VWA8: variants seen among roughly 807,000 people sequenced by gnomAD.
VWA8 encodes von Willebrand factor A domain containing 8.
VWA8 carries 221 observed loss-of-function variants against 241.5 expected under a neutral mutation model. The ratio of observed to expected loss-of-function variants is 0.91; its 90% CI spans 0.82 to 1.02. The LOEUF is 1.02. Ranked by LOEUF, VWA8 falls within the 50% of genes least tolerant of loss-of-function variation. The pLI is 0.00. For synonymous variants in VWA8, 852 were observed against 827.1 expected (o/e 1.03, Z -0.52); for missense variants, 2,322 against 2,328.7 (o/e 1.00, Z 0.06).
chr13:41,814,179 T>C lies in VWA8; in HGVS notation c.1947+2519A>G, dbSNP rs952651819. Among the ~76,000 whole-genome samples, 5 of 152,196 alleles carry C rather than the reference T, an allele frequency of 3.3e-5. No individual in the cohort carries two copies. The East Asian group carries it at 7.7e-4, about 23-fold the overall frequency. The stretch of plus-strand genomic sequence containing the variant: ...TCACCAAAGATTTAAGTGTCTATTA[T>C]GTGCCAGGCCGCAGGCTGGGAAATG... On this transcript the variant is annotated intron_variant, in intron 16 of 44. Coordinates refer to ENST00000379310, the MANE Select transcript of VWA8 (RefSeq NM_015058.2).
chr13:41,807,139 C>T (rs552176844), intron 17 of VWA8, among the ~76,000 whole-genome samples: 13 of 152,044 alleles, frequency 8.6e-5, no homozygotes, highest in Non-Finnish European at 1.3e-4. Flanking sequence ...GATTGAACTA[C>T]GAAGAAATAG....
intron 12 of VWA8, among the ~76,000 whole-genome samples, chr13:41,843,214 T>C (rs1050013504): frequency 6.6e-6 from 1 of 152,114 alleles, no homozygotes; most frequent in Admixed American, 6.6e-5. Flanking sequence ...AGAGATGCAA[T>C]AGACTAAAAC....
At chr13:41,941,553 GA>G (rs1428806085) in intron 2 of VWA8, among the ~76,000 whole-genome samples, 27 of 152,300 alleles carry the variant, frequency 1.8e-4, no homozygotes, top group African/African-American at 2.6e-4. Flanking sequence ...AAATTTAGAT[GA>G]AATGCATACA....
intron 36 of VWA8, among the ~76,000 whole-genome samples, chr13:41,674,057 T>A (rs900624059): frequency 2.6e-5 from 4 of 152,248 alleles, no homozygotes; most frequent in African/African-American, 9.6e-5. Flanking sequence ...TTTCCTCAAA[T>A]GATTAAAAGC....
chr13:41,625,016 T>C (rs1050240430), intron 37 of VWA8, among the ~76,000 whole-genome samples: 8 of 152,184 alleles, frequency 5.3e-5, no homozygotes, highest in African/African-American at 1.9e-4. Flanking sequence ...AACATTTCTA[T>C]ACATCAATAA....
chr13:41,587,978 G>A (rs1451910352), intron 41 of VWA8, among the ~76,000 whole-genome samples: 1 of 152,198 alleles, frequency 6.6e-6, no homozygotes. Flanking sequence ...AAAATAATAT[G>A]ATGACTTAAA....
At chr13:41,759,672 AGTCCTTGTCTGCT>A (rs2045725806) in intron 21 of VWA8, among the ~76,000 whole-genome samples, 1 of 151,682 alleles carries the variant, frequency 6.6e-6, no homozygotes. Flanking sequence ...ACTGTTTTAT[AGTCCTTGTCTGCT>A]AATTCCATTA....
At chr13:41,570,428 T>C (rs1479390789) in intron 44 of VWA8, 40 bp downstream of exon 44, 2 of 1,566,312 alleles carry the variant, frequency 1.3e-6, no homozygotes, top group Non-Finnish European at 1.8e-6. Context: ...ACTCAGTATC[T>C]CTGTACCTGC....
intron 29 of VWA8, 141 bp downstream of exon 29, chr13:41,698,930 A>G: frequency 9.2e-7 from 1 of 1,086,138 alleles, no homozygotes. Context: ...TGTAGTACTG[A>G]TAAAATGCAA....
intron 12 of VWA8, among the ~76,000 whole-genome samples, chr13:41,857,102 G>A (rs1872785380): frequency 6.6e-6 from 1 of 151,938 alleles, no homozygotes; most frequent in Admixed American, 6.6e-5. Context: ...TTTTGAAGCT[G>A]GAAAATACGG....
At chr13:41,632,549 C>T (rs1191689188) in intron 37 of VWA8, among the ~76,000 whole-genome samples, 1 of 152,276 alleles carries the variant, frequency 6.6e-6, no homozygotes, top group African/African-American at 2.4e-5. Context: ...ATGCTATAGT[C>T]CCTCTGGAGA....
intron 26 of VWA8, 36 bp from the exon 27 acceptor site, chr13:41,703,447 T>C (rs2045263195): frequency 1.9e-6 from 3 of 1,588,234 alleles, no homozygotes; most frequent in African/African-American, 1.3e-5. Context: ...ATATTTCTTA[T>C]TGTACCCAAG....
At position 41,859,213 on chromosome 13, in the gene VWA8, A is replaced by C. The variant is rs114499017; in HGVS notation, c.1425+6523T>G. Among the ~76,000 whole-genome samples the C allele has an allele frequency of 9.2e-3, 1,396 of 152,326 alleles. 32 individuals are homozygous for C. Among genetic ancestry groups the C allele is most frequent in the African/African-American group, 0.03 (1,254 of 41,574 alleles). On this transcript the variant is annotated intron_variant, in intron 12 of 44. Transcript: ENST00000379310. Reference sequence around the variant, plus strand: ...AGAAAAGCACGAAGTCAAGGCAAAAATAAGAGGCACAGCAATGAATCCAAG... The same window carrying C: ...AGAAAAGCACGAAGTCAAGGCAAAACTAAGAGGCACAGCAATGAATCCAAG...
intron 2 of VWA8, among the ~76,000 whole-genome samples, chr13:41,944,753 A>G (rs535797742): frequency 1.3e-4 from 20 of 152,298 alleles, no homozygotes; most frequent in East Asian, 1.2e-3. Context: ...GAAATGCTCC[A>G]TTTTTAGAAT....
intron 21 of VWA8, among the ~76,000 whole-genome samples, chr13:41,744,920 C>A (rs1252040910): frequency 1.3e-5 from 2 of 152,142 alleles, no homozygotes; most frequent in African/African-American, 4.8e-5. Context: ...ATACTGCAAG[C>A]TCCACCTCCT....
chr13:41,571,891 C>T (rs185402409), intron 43 of VWA8, among the ~76,000 whole-genome samples: 1,781 of 151,932 alleles, frequency 0.012, 19 homozygotes, highest in Admixed American at 0.024. Context: ...GCCATCCTGT[C>T]TAGGAAGTGA....
chr13:41,581,010 A>T lies in VWA8; in HGVS notation c.5272-5172T>A, dbSNP rs569338023. Among the ~76,000 whole-genome samples the T allele has an allele frequency of 5.7e-4, 73 of 127,358 alleles. 9 individuals are homozygous for T. Among genetic ancestry groups the T allele is most frequent in the East Asian group, 2.3e-3 (10 of 4,400 alleles). The allele number at this position is 127,358 out of a possible 152,430, so 83.6% of individuals were successfully genotyped here. A position where few individuals can be genotyped will look rare whatever the true frequency, so the allele number is the denominator to read the frequency against. ...ATTTTATTTTATTTTATTTTATTTT[A>T]TTTTTTTTTGAGACGGAGTCTCGCT... On this transcript the variant is annotated intron_variant, in intron 42 of 44. Transcript: ENST00000379310.
intron 12 of VWA8, among the ~76,000 whole-genome samples, chr13:41,853,972 C>A: frequency 6.6e-6 from 1 of 152,250 alleles, no homozygotes; most frequent in South Asian, 2.1e-4. Flanking sequence ...CCAAGATATA[C>A]ATGTTTTATA....
intron 13 of VWA8, among the ~76,000 whole-genome samples, chr13:41,832,934 T>C (rs551339191): frequency 6.7e-6 from 1 of 149,916 alleles, no homozygotes; most frequent in Admixed American, 6.6e-5. Flanking sequence ...ACAAAACTAC[T>C]TTTCTCTCTC....
Sources: gnomAD v4.1 joint callset for allele counts (sites outside exome capture counted in the v4.1 genomes callset) on GRCh38, gnomAD v4.1.1 for gene constraint, MANE v1.5 for transcripts, NCBI Gene and HGNC (gene_info 2026-07-23, HGNC 2026-07-21) for gene names.